Variants in PSD3 observed in about 807,000 individuals in gnomAD.
PSD3 encodes the protein pleckstrin and Sec7 domain containing 3.
In PSD3, 49 loss-of-function variants were observed where a neutral mutation model predicts 105.5. The observed-to-expected ratio is 0.46, with a 90% CI of 0.37 to 0.59. The LOEUF is 0.59. Among genes scored for constraint, PSD3 ranks in the 20% least tolerant of loss-of-function variants. The pLI is 0.00. For missense variants in PSD3, 1,561 were observed against 1,263.8 expected, an observed-to-expected ratio of 1.24 and a Z score of -3.57; for synonymous variants, 557 against 457.8, an observed-to-expected ratio of 1.22 and a Z score of -2.77.
Position 18,530,493 on chromosome 8 carries a change from G to A in PSD3, c.*5250C>T, listed in dbSNP as rs773122912. 6.6e-6 allele frequency: 1 copy of A among 152,508 alleles called. No individual in the cohort carries two copies. The highest frequency in any genetic ancestry group is 2.4e-5 in the African/African-American group (1 of 41,394). The allele number at this position is 152,508 out of a possible 1,614,324, so 9.4% of individuals were successfully genotyped here. A position where few individuals can be genotyped will look rare whatever the true frequency, so the allele number is the denominator to read the frequency against. ...CACCACGAGAGTGGTTTGATCTCCC[G>A]TAAAACATACACAAATACATAAATG... On this transcript the variant is annotated 3_prime_UTR_variant, in exon 16 of 16. Coordinates refer to ENST00000327040, the MANE Select transcript of PSD3 (RefSeq NM_015310.4).
intron 1 of PSD3, among the ~76,000 whole-genome samples, chr8:19,073,772 C>T (rs912314314): frequency 6.7e-6 from 1 of 149,546 alleles, no homozygotes; most frequent in African/African-American, 2.4e-5. Flanking sequence ...GCTATTCAAA[C>T]ATCAGAATTG....
intron 1 of PSD3, among the ~76,000 whole-genome samples, chr8:18,963,638 A>T (rs1824064230): frequency 6.6e-6 from 1 of 152,214 alleles, no homozygotes; most frequent in Non-Finnish European, 1.5e-5. Context: ...AATTTCTGCT[A>T]TACAACGCTA....
chr8:18,662,237 T>A (rs1016113547), intron 9 of PSD3, among the ~76,000 whole-genome samples: 2 of 152,208 alleles, frequency 1.3e-5, no homozygotes, highest in African/African-American at 4.8e-5. Context: ...TTAATATGTA[T>A]AATTCATCAT....
intron 9 of PSD3, among the ~76,000 whole-genome samples, chr8:18,721,414 C>T (rs550413782): frequency 3.3e-5 from 5 of 152,050 alleles, no homozygotes; most frequent in East Asian, 1.9e-4. Context: ...CTTGAGCCAC[C>T]CAAGACCAGG....
chr8:18,580,665 G>A (rs1039935419), intron 12 of PSD3, among the ~76,000 whole-genome samples: 15 of 152,112 alleles, frequency 9.9e-5, no homozygotes, highest in South Asian at 6.2e-4. Flanking sequence ...AGATGATTCT[G>A]CACCAAGGAC....
At chr8:18,814,706 G>C (rs1324571323) in intron 4 of PSD3, among the ~76,000 whole-genome samples, 1 of 152,198 alleles carries the variant, frequency 6.6e-6, no homozygotes, top group African/African-American at 2.4e-5. Flanking sequence ...TTGCATAGAA[G>C]CTTCTTTGGG....
In PSD3 at chr8:18,720,348, C is replaced by T. The variant is rs1324512222; in HGVS notation, c.2172+45101G>A. Among the ~76,000 whole-genome samples, 17 of 142,536 alleles carry T rather than the reference C, an allele frequency of 1.2e-4. No individual in the cohort carries two copies. In the Admixed American group the frequency reaches 1.3e-3, roughly 11 times the overall value. The allele number at this position is 142,536 out of a possible 152,430, so 93.5% of individuals were successfully genotyped here. A position where few individuals can be genotyped will look rare whatever the true frequency, so the allele number is the denominator to read the frequency against. On this transcript the variant is annotated intron_variant, in intron 9 of 15. Coordinates refer to ENST00000327040, the MANE Select transcript of PSD3 (RefSeq NM_015310.4). ...TTTACCACAATTGGATTCTCTGAGCCTCTTAAGGTGACTCTTTGGATTGAC... is the reference window on the plus strand; with the variant it reads ...TTTACCACAATTGGATTCTCTGAGCTTCTTAAGGTGACTCTTTGGATTGAC...
intron 2 of PSD3, among the ~76,000 whole-genome samples, chr8:18,893,928 C>G (rs905796520): frequency 6.6e-6 from 1 of 152,190 alleles, no homozygotes; most frequent in Non-Finnish European, 1.5e-5. Context: ...GTTTTTCACC[C>G]GCTGTTCTTC....
At chr8:18,602,166 T>C (rs189442457) in intron 11 of PSD3, among the ~76,000 whole-genome samples, 4 of 152,300 alleles carry the variant, frequency 2.6e-5, no homozygotes, top group South Asian at 2.1e-4. Context: ...CTAAAACTAA[T>C]TTATTGGCAT....
chr8:18,927,158 A>G (rs1363209981), intron 2 of PSD3, among the ~76,000 whole-genome samples: 2 of 152,206 alleles, frequency 1.3e-5, no homozygotes, highest in African/African-American at 4.8e-5. Flanking sequence ...GCCACCTTCC[A>G]GAACCTCCAT....
At chr8:18,621,162 C>T (rs1477600903) in intron 11 of PSD3, among the ~76,000 whole-genome samples, 1 of 152,172 alleles carries the variant, frequency 6.6e-6, no homozygotes, top group Non-Finnish European at 1.5e-5. Context: ...AATCCCAGCA[C>T]TTCGGGAGGC....
intron 4 of PSD3, among the ~76,000 whole-genome samples, chr8:18,854,904 G>A (rs1332015873): frequency 6.6e-6 from 1 of 152,132 alleles, no homozygotes; most frequent in East Asian, 1.9e-4. Flanking sequence ...GTTGTCCAAA[G>A]CCTGCTTCAG....
chr8:18,601,169 C>G (rs1169974494), intron 11 of PSD3, among the ~76,000 whole-genome samples: 1 of 152,114 alleles, frequency 6.6e-6, no homozygotes, highest in Non-Finnish European at 1.5e-5. Context: ...CCTTAGATTT[C>G]TTCTGTTTAT....
At chr8:18,806,692 G>A (rs1256159269) in intron 4 of PSD3, among the ~76,000 whole-genome samples, 2 of 152,184 alleles carry the variant, frequency 1.3e-5, no homozygotes, top group East Asian at 3.9e-4. Context: ...AAACCTAAGA[G>A]CCATGCCAGC....
At chr8:19,027,631 G>T (rs1489377083) in intron 1 of PSD3, among the ~76,000 whole-genome samples, 1 of 152,180 alleles carries the variant, frequency 6.6e-6, no homozygotes, top group Admixed American at 6.5e-5. Context: ...CAGAGCAACT[G>T]CTGACAGAGT....
rs146346203 is a variant in PSD3, at chr8:18,872,183, T to C, written c.681A>G (p.Ala227=). 3.0e-4 allele frequency: 480 copies of C among 1,614,218 alleles called. 7 individuals carry two copies. The East Asian group carries it at 8.7e-3, about 29-fold the overall frequency. ...CATTATTCATTATCTGGGAAATCTC[T>C]GCCTGAGTGTCTCCAGTTAACAGCG... The part of the protein sequence containing the change: ...LTALLTGDTQ[A]EISQIMNNGR... The change falls in exon 3 of 16, where the codon GCA becomes GCG. Residue 227 remains alanine (A), a synonymous_variant. Transcript: ENST00000327040.
chr8:19,014,087 A>C (rs988147900), upstream of PSD3: 2 of 152,268 alleles, frequency 1.3e-5, no homozygotes, highest in African/African-American at 4.8e-5. The surrounding 1 kb of genome is among the most constrained non-coding windows in gnomAD (Gnocchi z 4.9). Flanking sequence ...TTCTTCCTTC[A>C]CAGTTTTCCC....
chr8:18,920,425 A>C (rs1381978186), intron 2 of PSD3, among the ~76,000 whole-genome samples: 1 of 152,230 alleles, frequency 6.6e-6, no homozygotes, highest in Non-Finnish European at 1.5e-5. Context: ...GCTGAAAGCA[A>C]GGTTCGAGTG....
intron 1 of PSD3, among the ~76,000 whole-genome samples, chr8:19,063,762 T>G (rs971462769): frequency 1.3e-5 from 2 of 152,130 alleles, no homozygotes. Flanking sequence ...AGAAAGGGAT[T>G]CCTTAGTCTT....
Sources: gnomAD v4.1 joint callset for allele counts (sites outside exome capture counted in the v4.1 genomes callset) on GRCh38, gnomAD v4.1.1 for gene constraint, Gnocchi (gnomAD v3.1) non-coding constraint, MANE v1.5 for transcripts, NCBI Gene and HGNC (gene_info 2026-07-23, HGNC 2026-07-21) for gene names.